The following RNF14 variants were observed in gnomAD, a reference collection of about 807,000 sequenced individuals.
RNF14 encodes the protein E3 ubiquitin-protein ligase RNF14.
In RNF14, 26 loss-of-function variants were observed where a neutral mutation model predicts 52.6. That is an observed-to-expected ratio of 0.49 (90% CI 0.36 to 0.69). The LOEUF (loss-of-function observed/expected upper bound fraction) is 0.69. Ranked by LOEUF, RNF14 falls within the 30% of genes least tolerant of loss-of-function variation. The probability of loss-of-function intolerance (pLI) is 0.00; values close to 1 mark genes in which losing one functional copy is unlikely to be tolerated. For missense variants in RNF14, 404 were observed against 560.4 expected (o/e 0.72, Z 2.82); for synonymous variants, 194 against 202.0 (o/e 0.96, Z 0.34).
chr5:141,979,084 T>C lies in RNF14; in HGVS notation c.834+254T>C, dbSNP rs184303955. On this transcript the variant is annotated intron_variant, in intron 5 of 8. Transcript: ENST00000394520. ...ATTAAGTAATTGTGATAATTTACTT[T>C]GTATATCTGCTAGTAGGATCCCATA... Among the ~76,000 whole-genome samples, 165 of 152,354 alleles carry C rather than the reference T, an allele frequency of 1.1e-3. 1 individual carries two copies. Among genetic ancestry groups the C allele is most frequent in the Non-Finnish European group, 1.5e-3 (105 of 68,030 alleles).
At chr5:141,978,213 T>C (rs1241024498) in intron 4 of RNF14, 90 bp from the exon 5 acceptor site, 4 of 1,166,190 alleles carry the variant, frequency 3.4e-6, no homozygotes, top group Non-Finnish European at 4.9e-6. Context: ...GGGCCTAACT[T>C]GCAAGTGGAA....
the RNF14 span, chr5:141,949,611 G>T: frequency 6.2e-7 from 1 of 1,607,814 alleles, no homozygotes; most frequent in Non-Finnish European, 8.5e-7. Context: ...CAGTCCATGG[G>T]TAGGGACATT....
At chr5:141,951,905 A>G in the RNF14 span, among the ~76,000 whole-genome samples, 1 of 152,354 alleles carries the variant, frequency 6.6e-6, no homozygotes, top group South Asian at 2.1e-4. Context: ...TGAAAAAGGC[A>G]TTTCCTGACC....
upstream of RNF14, chr5:141,957,252 C>G (rs1368904613): frequency 6.2e-7 from 1 of 1,614,054 alleles, no homozygotes; most frequent in Non-Finnish European, 8.5e-7. This position sits in a 1 kb window ranked among gnomAD's most constrained non-coding sequence, Gnocchi z 4.3. Context: ...TGTCCAGCTC[C>G]TTCACCACTA....
intron 1 of RNF14, among the ~76,000 whole-genome samples, chr5:141,960,268 G>A (rs1313598866): frequency 6.6e-6 from 1 of 152,230 alleles, no homozygotes; most frequent in African/African-American, 2.4e-5. Context: ...CGCAGGTGGG[G>A]GCAGGGAAAA....
At chr5:141,973,905 A>G (rs574883384) in intron 3 of RNF14, among the ~76,000 whole-genome samples, 163 bp downstream of exon 3, 12 of 152,354 alleles carry the variant, frequency 7.9e-5, no homozygotes, top group Admixed American at 2.6e-4. Flanking sequence ...AGGGGCAAGC[A>G]GTTTTCAATT....
At chr5:141,958,488 C>G (rs1753223725) in intron 1 of RNF14, 1 of 152,586 alleles carries the variant, frequency 6.6e-6, no homozygotes, top group African/African-American at 2.4e-5. Flanking sequence ...CCGGGCAAGT[C>G]ATGTTTCCTG....
chr5:141,951,720 AGAT>A, the RNF14 span: 1 of 717,408 alleles, frequency 1.4e-6, no homozygotes, highest in Non-Finnish European at 2.5e-6. Flanking sequence ...TTGTGTGATC[AGAT>A]GGGGGATGGT....
chr5:141,956,136 A>G, upstream of RNF14: 1 of 1,614,162 alleles, frequency 6.2e-7, no homozygotes, highest in Non-Finnish European at 8.5e-7. Context: ...TGGCTTTTCC[A>G]TCGCTGAGCA....
In RNF14 at chr5:141,983,464, T is replaced by C. The variant is rs750192221; in HGVS notation, c.1148T>C (p.Val383Ala). 6.2e-7 allele frequency: 1 copy of C among 1,613,344 alleles called. No individual in the cohort carries two copies. Among genetic ancestry groups the C allele is most frequent in the East Asian group, 2.2e-5 (1 of 44,832 alleles). Residue 383 changes from valine to alanine, a missense_variant, in exon 7 of 9, where the codon GTG (valine) becomes GCG (alanine). Transcript: ENST00000394520. Reference protein sequence around the residue: ...RLLDQRYGKRVIQKALEEMES... With the variant: ...RLLDQRYGKRAIQKALEEMES... ...TTGGATCAAAGGTATGGTAAGAGAGTGATTCAGAAGGCACTGGAAGAGATG... is the reference window on the plus strand; with the variant it reads ...TTGGATCAAAGGTATGGTAAGAGAGCGATTCAGAAGGCACTGGAAGAGATG...
intron 3 of RNF14, among the ~76,000 whole-genome samples, chr5:141,974,594 A>T (rs1278285667): frequency 6.6e-6 from 1 of 152,204 alleles, no homozygotes; most frequent in Non-Finnish European, 1.5e-5. Context: ...TTCATTATAC[A>T]TTTCATGGTG....
upstream of RNF14, chr5:141,968,813 G>A (rs999939597): frequency 1.3e-5 from 2 of 152,300 alleles, no homozygotes; most frequent in Non-Finnish European, 2.9e-5. Flanking sequence ...ACTTGGAGAA[G>A]CAGGTCTGGG....
intron 8 of RNF14, among the ~76,000 whole-genome samples, chr5:141,985,529 CTTTTT>C (rs564647173): frequency 1.3e-5 from 2 of 151,742 alleles, no homozygotes; most frequent in African/African-American, 4.8e-5. Flanking sequence ...TTTGGCCCAC[CTTTTT>C]TTTGTGTGTG....
At chr5:141,962,559 C>T (rs983307714), upstream of RNF14, among the ~76,000 whole-genome samples, 6 of 152,004 alleles carry the variant, frequency 3.9e-5, no homozygotes, top group African/African-American at 9.7e-5. Context: ...AATAAATAGA[C>T]GGGAGGAGGG....
intron 1 of RNF14, among the ~76,000 whole-genome samples, chr5:141,961,408 T>G (rs561144654): frequency 3.2e-4 from 49 of 152,278 alleles, no homozygotes; most frequent in African/African-American, 1.2e-3. Flanking sequence ...GGTGATCACC[T>G]CTGGAAATGA....
chr5:141,956,798 T>C, upstream of RNF14: 1 of 1,614,262 alleles, frequency 6.2e-7, no homozygotes, highest in Non-Finnish European at 8.5e-7. Context: ...GTGACGTGGA[T>C]GCTTGGGATG....
At chr5:141,958,205 T>G (rs1753219217), upstream of RNF14, 1 of 226,398 alleles carries the variant, frequency 4.4e-6, no homozygotes, top group South Asian at 1.2e-4. Flanking sequence ...GTTGCTAGGC[T>G]GGGGAAACAG....
chr5:141,978,450 A>G lies in RNF14; in HGVS notation c.454A>G (p.Lys152Glu), dbSNP rs753690692. 1.9e-6 allele frequency: 3 copies of G among 1,614,210 alleles called. No individual in the cohort carries two copies. Among genetic ancestry groups the G allele is most frequent in the South Asian group, 1.1e-5 (1 of 91,082 alleles). Residue 152 changes from lysine (K) to glutamate (E), a missense_variant, in exon 5 of 9, where the codon AAA (lysine) becomes GAA (glutamate). Lys to Glu is a moderately conservative substitution (Grantham distance 56, BLOSUM62 1). Coordinates refer to ENST00000394520, the MANE Select transcript of RNF14 (RefSeq NM_004290.5). ...TTTTGAGCTCAAGATTGGTTCTCAG[A>G]AAAAAGTGCAGAGAAGGACAGCTCA... Reference protein sequence around the residue: ...SPFELKIGSQKKVQRRTAQAS... With the variant: ...SPFELKIGSQEKVQRRTAQAS...
At chr5:141,974,320 A>G (rs542431591) in intron 3 of RNF14, among the ~76,000 whole-genome samples, 42 of 152,346 alleles carry the variant, frequency 2.8e-4, no homozygotes, top group African/African-American at 9.6e-4. Context: ...GTTGTGTGCT[A>G]TATTATATCC....
Sources: gnomAD v4.1 joint callset for allele counts (sites outside exome capture counted in the v4.1 genomes callset) on GRCh38, gnomAD v4.1.1 for gene constraint, Gnocchi (gnomAD v3.1) non-coding constraint, MANE v1.5 for transcripts, NCBI Gene and HGNC (gene_info 2026-07-23, HGNC 2026-07-21) for gene names.